PARD3B: variants seen among roughly 807,000 people sequenced by gnomAD.
PARD3B encodes the protein partitioning defective 3 homolog B.
Under a neutral mutation model 130.2 loss-of-function variants are expected in PARD3B, and 103 were observed. The observed-to-expected ratio is 0.79, with a 90% confidence interval of 0.67 to 0.93. The LOEUF (loss-of-function observed/expected upper bound fraction) is 0.93. Ranked by LOEUF, PARD3B falls within the 40% of genes least tolerant of loss-of-function variation. The pLI is 0.00. For synonymous variants in PARD3B, 583 were observed against 553.2 expected, an observed-to-expected ratio of 1.05 and a Z score of -0.76; for missense variants, 1,609 against 1,499.2, an observed-to-expected ratio of 1.07 and a Z score of -1.21.
chr2:205,570,732 C>A (rs536191060), intron 22 of PARD3B, among the ~76,000 whole-genome samples: 3 of 152,156 alleles, frequency 2.0e-5, no homozygotes, highest in African/African-American at 4.8e-5. Context: ...AGAGACCAGA[C>A]GTATGTGTTC....
chr2:205,013,950 C>A (rs1184138595), intron 3 of PARD3B, among the ~76,000 whole-genome samples: 3 of 152,144 alleles, frequency 2.0e-5, no homozygotes, highest in African/African-American at 7.2e-5. Flanking sequence ...ACAGAGAAGG[C>A]ATTTCATCTG....
intron 2 of PARD3B, among the ~76,000 whole-genome samples, chr2:204,932,344 A>AT (rs1171966529): frequency 2.0e-5 from 3 of 151,934 alleles, no homozygotes; most frequent in African/African-American, 7.2e-5. Context: ...CTCTTATTTC[A>AT]TTTTTTTCTT....
At chr2:204,998,118 T>C (rs936291958) in intron 3 of PARD3B, among the ~76,000 whole-genome samples, 2 of 148,760 alleles carry the variant, frequency 1.3e-5, no homozygotes, top group Non-Finnish European at 3.0e-5. Flanking sequence ...AAGACAAATA[T>C]AAGAATTAGA....
intron 18 of PARD3B, among the ~76,000 whole-genome samples, chr2:205,337,803 T>A (rs2043367694): frequency 1.3e-5 from 2 of 152,170 alleles, no homozygotes; most frequent in Admixed American, 6.5e-5. Context: ...GACATTTTAG[T>A]TCATTTATTT....
Position 205,473,132 on chromosome 2 carries a change from A to C in PARD3B, c.3045-26764A>C, listed in dbSNP as rs2048898165. Among the ~76,000 whole-genome samples, 1 of 152,108 alleles carries C rather than the reference A, an allele frequency of 6.6e-6. No individual in the cohort carries two copies. Among genetic ancestry groups the C allele is most frequent in the African/African-American group, 2.4e-5 (1 of 41,418 alleles). ...TCTGGGTTAGGAAGTTTCTCATAAT[A>C]GTTTTCCCACTATCCAGTCCCCATA... On this transcript the variant is annotated intron_variant, in intron 20 of 22. Transcript: ENST00000406610. This position sits in a 1 kb window ranked among gnomAD's most constrained non-coding sequence, Gnocchi z 4.9.
chr2:204,846,601 A>G (rs912072487), intron 2 of PARD3B, among the ~76,000 whole-genome samples: 5 of 151,148 alleles, frequency 3.3e-5, no homozygotes, highest in Non-Finnish European at 7.4e-5. Context: ...AAGAAGAGTT[A>G]TAAGAGAACT....
At position 204,673,200 on chromosome 2, in the gene PARD3B, T is replaced by C. The variant is rs1363684124; in HGVS notation, c.121-12981T>C. 6.6e-5 allele frequency among the ~76,000 whole-genome samples: 10 copies of C among 152,238 alleles called. No individual in the cohort carries two copies. Among genetic ancestry groups the C allele is most frequent in the African/African-American group, 1.9e-4 (8 of 41,474 alleles). ...ATGCCCAGCCAATCCTGCTGTGCTGTACATCAGCAGTTTGGAAAAACCATC... is the reference window on the plus strand; with the variant it reads ...ATGCCCAGCCAATCCTGCTGTGCTGCACATCAGCAGTTTGGAAAAACCATC... On this transcript the variant is annotated intron_variant, in intron 1 of 22. Coordinates refer to ENST00000406610, the MANE Select transcript of PARD3B (RefSeq NM_001302769.2). This position sits in a 1 kb window ranked among gnomAD's most constrained non-coding sequence, Gnocchi z 4.7.
At chr2:205,520,834 A>G (rs1278562072) in intron 21 of PARD3B, among the ~76,000 whole-genome samples, 2 of 152,058 alleles carry the variant, frequency 1.3e-5, no homozygotes, top group African/African-American at 4.8e-5. Context: ...TTTAATGTTT[A>G]ATGCATAGTA....
Position 205,122,559 on chromosome 2 carries a change from CACAT to C in PARD3B, c.1165+616_1165+619del, listed in dbSNP as rs2030873896. On this transcript the variant is annotated intron_variant, in intron 8 of 22. Coordinates refer to ENST00000406610, the MANE Select transcript of PARD3B (RefSeq NM_001302769.2). This position sits in a 1 kb window ranked among gnomAD's most constrained non-coding sequence, Gnocchi z 4.3. ...ATGCATATTTATGCAGTATTCTACA[CACAT>C]ACATAAGCATTCATGTGCTTCTGTG... 6.6e-6 allele frequency among the ~76,000 whole-genome samples: 1 copy of C among 152,218 alleles called. No homozygotes were observed. The highest frequency in any genetic ancestry group is 2.4e-5 in the African/African-American group (1 of 41,458).
chr2:204,563,383 A>G (rs1402032281), intron 1 of PARD3B, among the ~76,000 whole-genome samples: 1 of 146,788 alleles, frequency 6.8e-6, no homozygotes, highest in Non-Finnish European at 1.5e-5. Context: ...GGTCACATTC[A>G]TAGGTATGGG....
intron 21 of PARD3B, among the ~76,000 whole-genome samples, chr2:205,512,865 T>A (rs1465155024): frequency 2.0e-5 from 3 of 152,158 alleles, no homozygotes; most frequent in African/African-American, 7.2e-5. Flanking sequence ...CCCCAAACCA[T>A]GTGGAGACAC....
At chr2:205,385,086 A>C (rs924449786) in intron 18 of PARD3B, among the ~76,000 whole-genome samples, 1 of 152,164 alleles carries the variant, frequency 6.6e-6, no homozygotes, top group African/African-American at 2.4e-5. Flanking sequence ...TTCTTAGTCT[A>C]CTGATACAAT....
intron 11 of PARD3B, among the ~76,000 whole-genome samples, chr2:205,159,241 A>G (rs577144491): frequency 1.5e-3 from 231 of 152,336 alleles, no homozygotes; most frequent in Non-Finnish European, 2.4e-3. Context: ...AAACAAAACT[A>G]AAAACAAGTA....
intron 21 of PARD3B, among the ~76,000 whole-genome samples, chr2:205,546,091 T>C (rs939139879): frequency 9.9e-5 from 15 of 152,164 alleles, no homozygotes; most frequent in Non-Finnish European, 4.4e-5. Context: ...CTGGGAGAAC[T>C]CCCATGGACT....
chr2:204,643,768 A>C (rs2035175362), intron 1 of PARD3B, among the ~76,000 whole-genome samples: 1 of 152,166 alleles, frequency 6.6e-6, no homozygotes, highest in East Asian at 1.9e-4. Flanking sequence ...GCAATTGCCT[A>C]TTTATTCAGA....
At chr2:204,829,673 G>A (rs576204720) in intron 2 of PARD3B, among the ~76,000 whole-genome samples, 44 of 152,236 alleles carry the variant, frequency 2.9e-4, no homozygotes, top group Admixed American at 1.4e-3. Context: ...TAGTGATAGT[G>A]AGTGAGTTCT....
At chr2:205,367,105 T>G (rs1328235921) in intron 18 of PARD3B, among the ~76,000 whole-genome samples, 2 of 152,230 alleles carry the variant, frequency 1.3e-5, no homozygotes, top group Admixed American at 6.5e-5. Context: ...CCTTGCATCT[T>G]CAAGAATGAT....
At chr2:204,770,589 A>G (rs572399164) in intron 2 of PARD3B, among the ~76,000 whole-genome samples, 13 of 152,236 alleles carry the variant, frequency 8.5e-5, no homozygotes, top group African/African-American at 2.9e-4. Flanking sequence ...AGAGTATACC[A>G]GGTTAAATTG....
Position 205,265,922 on chromosome 2 carries a change from C to A in PARD3B, c.2185+20100C>A, listed in dbSNP as rs57964434. ...TTCATCTGTGATATAAAACATAAAT[C>A]TTGAGAGAAGGGCTTTTGATTTTTG... is the stretch of plus-strand genomic sequence containing the variant. On this transcript the variant is annotated intron_variant, in intron 16 of 22. Coordinates refer to ENST00000406610, the MANE Select transcript of PARD3B (RefSeq NM_001302769.2). This position sits in a 1 kb window ranked among gnomAD's most constrained non-coding sequence, Gnocchi z 4.3. 0.064 allele frequency among the ~76,000 whole-genome samples: 9,748 copies of A among 151,970 alleles called. 410 individuals carry two copies. Among genetic ancestry groups the A allele is most frequent in the East Asian group, 0.2 (1,046 of 5,168 alleles).
Sources: gnomAD v4.1 joint callset for allele counts (sites outside exome capture counted in the v4.1 genomes callset) on GRCh38, gnomAD v4.1.1 for gene constraint, Gnocchi (gnomAD v3.1) non-coding constraint, MANE v1.5 for transcripts, NCBI Gene and HGNC (gene_info 2026-07-23, HGNC 2026-07-21) for gene names.